Variants in ERC2 observed in about 807,000 individuals in gnomAD.
ERC2 encodes ELKS/RAB6-interacting/CAST family member 2.
ERC2 carries 42 observed loss-of-function variants against 114.8 expected under a neutral mutation model. That is an observed-to-expected ratio of 0.37 (90% confidence interval 0.29 to 0.47). The LOEUF is 0.47. ERC2 is among the 20% of genes least tolerant of loss of function. ERC2 has a pLI of 0.99. For synonymous variants in ERC2, 454 were observed against 425.5 expected (o/e 1.07, Z -0.82); for missense variants, 939 against 1,150.7 (o/e 0.82, Z 2.66).
chr3:56,391,539 A>G (rs1348656664), intron 2 of ERC2, among the ~76,000 whole-genome samples: 1 of 152,224 alleles, frequency 6.6e-6, no homozygotes. Flanking sequence ...CTCCAGCCTT[A>G]TTCTAAATAC....
chr3:56,123,732 G>T (rs1299099089), intron 6 of ERC2, among the ~76,000 whole-genome samples: 1 of 152,134 alleles, frequency 6.6e-6, no homozygotes, highest in South Asian at 2.1e-4. Context: ...CCACCCCTTT[G>T]CTTAAATACC....
rs57216151 is a variant in ERC2, at chr3:56,182,533, A to C, written c.1075-9013T>G. 1.6e-3 allele frequency among the ~76,000 whole-genome samples: 247 copies of C among 152,380 alleles called. 2 individuals carry two copies. The highest frequency in any genetic ancestry group is 5.7e-3 in the African/African-American group (236 of 41,586). ...TCTTTTAAGTATTTAATAAATATTA[A>C]TGTGTTCAATCCCCAAAATAACCTC... On this transcript the variant is annotated intron_variant, in intron 3 of 17. Coordinates refer to ENST00000288221, the MANE Select transcript of ERC2 (RefSeq NM_015576.3).
chr3:55,609,260 G>A (rs750301772), intron 17 of ERC2, among the ~76,000 whole-genome samples: 1 of 152,096 alleles, frequency 6.6e-6, no homozygotes, highest in Non-Finnish European at 1.5e-5. Flanking sequence ...TAATTCACCT[G>A]CACGGCACAA....
chr3:55,750,116 G>A (rs1192379879), intron 14 of ERC2, among the ~76,000 whole-genome samples: 1 of 152,014 alleles, frequency 6.6e-6, no homozygotes, highest in Non-Finnish European at 1.5e-5. Context: ...TGTTATGAAG[G>A]ATCAGCAATG....
intron 17 of ERC2, among the ~76,000 whole-genome samples, chr3:55,574,424 C>T (rs935146053): frequency 6.6e-6 from 1 of 152,050 alleles, no homozygotes; most frequent in African/African-American, 2.4e-5. Context: ...AATGGACCTT[C>T]CTAGGAGGAA....
At chr3:55,571,694 T>C (rs1245033735) in intron 17 of ERC2, among the ~76,000 whole-genome samples, 3 of 152,224 alleles carry the variant, frequency 2.0e-5, no homozygotes, top group Non-Finnish European at 4.4e-5. Context: ...CAGAAGTGTT[T>C]CCTGAGTGGT....
chr3:56,208,637 T>A lies in ERC2; in HGVS notation c.1075-35117A>T, dbSNP rs79111086. Among the ~76,000 whole-genome samples, 206 of 152,324 alleles carry A rather than the reference T, an allele frequency of 1.4e-3. 5 individuals carry two copies. In the East Asian group the frequency reaches 0.037, roughly 27 times the overall value. ...TTTGTGCTGCTCTTCACACTGAAGA[T>A]CTTTCTTGTCCTTGGGCTGTGTCCA... On this transcript the variant is annotated intron_variant, in intron 3 of 17. Transcript: ENST00000288221.
chr3:56,014,737 T>C (rs189553079), intron 8 of ERC2, among the ~76,000 whole-genome samples: 1 of 152,294 alleles, frequency 6.6e-6, no homozygotes, highest in East Asian at 1.9e-4. Flanking sequence ...TGAAAAATTA[T>C]ATGGTATATG....
intron 13 of ERC2, among the ~76,000 whole-genome samples, chr3:55,928,454 G>A (rs1336913740): frequency 6.6e-6 from 1 of 151,970 alleles, no homozygotes; most frequent in East Asian, 1.9e-4. Flanking sequence ...TTTTTTAATC[G>A]AATTATTCAA....
intron 17 of ERC2, among the ~76,000 whole-genome samples, chr3:55,628,250 A>C (rs1164559082): frequency 1.6e-5 from 1 of 63,646 alleles, no homozygotes; most frequent in Non-Finnish European, 2.9e-5. Context: ...AGTGTATGAT[A>C]TGAACAGACC....
Position 56,468,335 on chromosome 3 carries a change from C to T in ERC2, c.-228G>A. 6.5e-6 allele frequency: 1 copy of T among 153,410 alleles called. No homozygotes were observed. The highest frequency in any genetic ancestry group is 1.4e-5 in the Non-Finnish European group (1 of 69,012). The allele number at this position is 153,410 out of a possible 1,614,324, so 9.5% of individuals were successfully genotyped here. On this transcript the variant is annotated 5_prime_UTR_variant, in exon 1 of 18. Coordinates refer to ENST00000288221, the MANE Select transcript of ERC2 (RefSeq NM_015576.3). ...CCCGGGCGGCCAGGAGGAGCAGGAG[C>T]CGGCGCCGGAGCCGGAGACCGAGCG...
In ERC2 at chr3:55,864,140, C is replaced by CAT. The variant is rs57657343; in HGVS notation, c.2564+24247_2564+24248dup. On this transcript the variant is annotated intron_variant, in intron 14 of 17. Coordinates refer to ENST00000288221, the MANE Select transcript of ERC2 (RefSeq NM_015576.3). ...ATATACACACACACATATATATATA[C>CAT]ATATATATATATATACACATATATA... Among the ~76,000 whole-genome samples, 290 of 137,146 alleles carry CAT rather than the reference C, an allele frequency of 2.1e-3. 3 individuals carry two copies. Among genetic ancestry groups the CAT allele is most frequent in the East Asian group, 5.5e-3 (27 of 4,884 alleles). The allele number at this position is 137,146 out of a possible 152,430, so 90.0% of individuals were successfully genotyped here.
chr3:56,286,414 CAAAAAA>C (rs778645110), intron 3 of ERC2, among the ~76,000 whole-genome samples: 7 of 30,334 alleles, frequency 2.3e-4, no homozygotes, highest in South Asian at 2.2e-3. Context: ...AACTCCATCT[CAAAAAA>C]AAAAAAAAAA....
At chr3:56,252,977 G>A (rs895488155) in intron 3 of ERC2, among the ~76,000 whole-genome samples, 5 of 152,146 alleles carry the variant, frequency 3.3e-5, no homozygotes, top group African/African-American at 9.7e-5. Context: ...CTATGGAGAC[G>A]TCAGCTATGT....
At chr3:55,874,429 C>T (rs1470313329) in intron 14 of ERC2, among the ~76,000 whole-genome samples, 1 of 152,052 alleles carries the variant, frequency 6.6e-6, no homozygotes, top group Admixed American at 6.6e-5. Context: ...ATTTGAAAGC[C>T]ATTCTTCTTT....
At chr3:55,691,555 AAAAAAAAAAAAAAAAAAAATAT>A (rs1184731124) in intron 16 of ERC2, among the ~76,000 whole-genome samples, 8 of 42,606 alleles carry the variant, frequency 1.9e-4, no homozygotes, top group African/African-American at 5.7e-4. Context: ...AAAAAAAAAA[AAAAAAAAAAAAAAAAAAAATAT>A]ATATATATAT....
intron 15 of ERC2, among the ~76,000 whole-genome samples, chr3:55,713,428 GCTGGTCTCGAA>G (rs2063900803): frequency 6.6e-6 from 1 of 152,094 alleles, no homozygotes; most frequent in African/African-American, 2.4e-5. Context: ...TGTTGGCCAG[GCTGGTCTCGAA>G]CTCCTGACCT....
intron 15 of ERC2, among the ~76,000 whole-genome samples, chr3:55,724,471 T>G (rs1530481): frequency 0.55 from 84,088 of 152,044 alleles, 23,846 homozygotes; most frequent in South Asian, 0.71. Flanking sequence ...GTGAGTCCCA[T>G]TTGGGCTCTG....
intron 15 of ERC2, among the ~76,000 whole-genome samples, chr3:55,706,899 T>A (rs1195160054): frequency 6.6e-6 from 1 of 152,198 alleles, no homozygotes; most frequent in Non-Finnish European, 1.5e-5. Flanking sequence ...AAGTAACACC[T>A]GCCTAGCACT....
Sources: gnomAD v4.1 joint callset for allele counts (sites outside exome capture counted in the v4.1 genomes callset) on GRCh38, gnomAD v4.1.1 for gene constraint, MANE v1.5 for transcripts, NCBI Gene and HGNC (gene_info 2026-07-23, HGNC 2026-07-21) for gene names.